PAQR3: variants seen among roughly 807,000 people sequenced by gnomAD.
The protein encoded by PAQR3 is Raf kinase trapping to Golgi.
In PAQR3, 39 loss-of-function variants were observed where a neutral mutation model predicts 41.7. That is an observed-to-expected ratio of 0.93 (90% CI 0.72 to 1.22). The LOEUF is 1.22. Among genes scored for constraint, PAQR3 ranks in the 50% most tolerant of loss-of-function variants. PAQR3 has a pLI of 0.00. For missense variants in PAQR3, 366 were observed against 385.6 expected (o/e 0.95, Z 0.42); for synonymous variants, 140 against 140.6 (o/e 1.00, Z 0.03).
intron 2 of PAQR3, among the ~76,000 whole-genome samples, chr4:78,932,079 G>A (rs181283207): frequency 1.3e-5 from 2 of 152,304 alleles, no homozygotes; most frequent in East Asian, 3.9e-4. Context: ...GTAAGCTATT[G>A]CTAAGGCAGT....
intron 3 of PAQR3, 134 bp from the exon 4 acceptor site, chr4:78,926,852 C>T (rs1163832854): frequency 3.9e-6 from 3 of 761,220 alleles, no homozygotes; most frequent in Admixed American, 5.6e-5. Flanking sequence ...GATTATCTCC[C>T]TTCATTAAAA....
rs1735394489 is a variant in PAQR3, at chr4:78,919,091, G to A, written c.*1448C>T. ...TTTATATTCCAAAAACACTACACTGGAAAAGAAACACAACATTTTACTGAT... is the reference window on the plus strand; with the variant it reads ...TTTATATTCCAAAAACACTACACTGAAAAAGAAACACAACATTTTACTGAT... On this transcript the variant is annotated 3_prime_UTR_variant, in exon 6 of 6. Coordinates refer to ENST00000512733, the MANE Select transcript of PAQR3 (RefSeq NM_001040202.2). 1.0e-6 allele frequency: 1 copy of A among 984,906 alleles called. No individual in the cohort carries two copies. The highest frequency in any genetic ancestry group is 1.2e-6 in the Non-Finnish European group (1 of 829,668). The allele number at this position is 984,906 out of a possible 1,614,324, so 61.0% of individuals were successfully genotyped here.
chr4:78,926,783 T>C (rs569547556), intron 3 of PAQR3, 65 bp from the exon 4 acceptor site: 10 of 1,495,412 alleles, frequency 6.7e-6, no homozygotes, highest in African/African-American at 1.4e-5. Flanking sequence ...AAAAGTAATT[T>C]TGGCTTTTAC....
chr4:78,937,264 C>T (rs1265989066), intron 1 of PAQR3, among the ~76,000 whole-genome samples: 3 of 152,094 alleles, frequency 2.0e-5, no homozygotes, highest in Non-Finnish European at 4.4e-5. Context: ...GGGAAGGGTG[C>T]TAAGTAAAAA....
intron 11 of PAQR3, among the ~76,000 whole-genome samples, chr4:78,898,649 C>G (rs1467409923): frequency 6.7e-6 from 1 of 149,286 alleles, no homozygotes; most frequent in Non-Finnish European, 1.5e-5. Context: ...CAGAGCGAGA[C>G]TCCATCTCAA....
intron 11 of PAQR3, among the ~76,000 whole-genome samples, chr4:78,900,271 A>T (rs1410104681): frequency 2.0e-5 from 3 of 152,212 alleles, no homozygotes; most frequent in Non-Finnish European, 4.4e-5. Context: ...TTAGTTGATT[A>T]TGTTATCAGC....
chr4:78,921,748 A>C, intron 5 of PAQR3: 1 of 984,458 alleles, frequency 1.0e-6, no homozygotes, highest in Non-Finnish European at 1.2e-6. Context: ...CCCAGTGGCC[A>C]GGTCATACAT....
At position 78,939,094 on chromosome 4, in the gene PAQR3, G is replaced by A. The variant is rs761198189; in HGVS notation, c.131C>T (p.Pro44Leu). 24 of 1,613,462 alleles carry A rather than the reference G, an allele frequency of 1.5e-5. No homozygotes were observed. The highest frequency in any genetic ancestry group is 1.9e-5 in the Non-Finnish European group (23 of 1,179,632). ...GGCCCGGTAGCCGTCGGTGATGTAC[G>A]GGTTGTCCTTGAGGGACCCGGGGAT... ...EQIPGSLKDN[P>L]YITDGYRAYL... Residue 44 changes from proline to leucine, a missense_variant, in exon 1 of 6, where the codon CCG becomes CTG. Physicochemically the swap from Pro to Leu is moderately conservative, Grantham distance 98. Coordinates refer to ENST00000512733, the MANE Select transcript of PAQR3 (RefSeq NM_001040202.2).
chr4:78,912,224 G>C lies in PAQR3; in HGVS notation c.*8315C>G. The C allele has an allele frequency of 1.8e-6, 1 of 542,762 alleles. No homozygotes were observed. The highest frequency in any genetic ancestry group is 3.2e-6 in the Non-Finnish European group (1 of 316,880). The allele number at this position is 542,762 out of a possible 1,614,324, so 33.6% of individuals were successfully genotyped here. On this transcript the variant is annotated 3_prime_UTR_variant, in exon 6 of 6. Transcript: ENST00000512733. ...GGGTAGTAACTTGATTCCTCTTCAG[G>C]AGAAAAGGGAGCTAAATTGCAAGCT...
In PAQR3 at chr4:78,913,865, A is replaced by G. The variant is rs1442991667; in HGVS notation, c.*6674T>C. On this transcript the variant is annotated 3_prime_UTR_variant, in exon 6 of 6. Transcript: ENST00000512733. ...TATTTAGAGCTGGACTGCACCAATT[A>G]CTTGTCCTCGTGCCAAAGGCAAATA... 1 of 151,376 alleles carries G rather than the reference A, an allele frequency of 6.6e-6. No homozygotes were observed. The highest frequency in any genetic ancestry group is 2.4e-5 in the African/African-American group (1 of 41,174). The allele number at this position is 151,376 out of a possible 1,614,324, so 9.4% of individuals were successfully genotyped here.
At position 78,919,244 on chromosome 4, in the gene PAQR3, A is replaced by C. The variant is rs886537132; in HGVS notation, c.*1295T>G. 6 of 983,826 alleles carry C rather than the reference A, an allele frequency of 6.1e-6. No homozygotes were observed. Among genetic ancestry groups the C allele is most frequent in the Non-Finnish European group, 7.2e-6 (6 of 828,698 alleles). 60.9% of individuals were successfully genotyped at this position (983,826 alleles called of 1,614,324 possible). A position where few individuals can be genotyped will look rare whatever the true frequency, so the allele number is the denominator to read the frequency against. ...AATTTTACTGTTCTGAAAATACACCAGTATTTAAAACAGCTCATGTCAACT... is the reference window on the plus strand; with the variant it reads ...AATTTTACTGTTCTGAAAATACACCCGTATTTAAAACAGCTCATGTCAACT... On this transcript the variant is annotated 3_prime_UTR_variant, in exon 6 of 6. Transcript: ENST00000512733.
downstream of PAQR3, chr4:78,911,822 G>A (rs111548741): frequency 1.5e-5 from 24 of 1,613,898 alleles, no homozygotes; most frequent in Non-Finnish European, 2.0e-5. Flanking sequence ...AGCGACATCC[G>A]TGCTGATCAC....
chr4:78,908,279 G>A (rs947667810), downstream of PAQR3, among the ~76,000 whole-genome samples: 30 of 152,170 alleles, frequency 2.0e-4, no homozygotes, highest in African/African-American at 7.2e-4. Context: ...TATACAAGAT[G>A]ACCAGATCCA....
chr4:78,913,908 T>C lies in PAQR3; in HGVS notation c.*6631A>G, dbSNP rs1052926480. ...GGCAAATATGTTTGCACCTTTTTTT[T>C]TTTTTCTGATTCTCAGGTTGATTAA... On this transcript the variant is annotated 3_prime_UTR_variant, in exon 6 of 6. Transcript: ENST00000512733. 8.5e-5 allele frequency: 13 copies of C among 152,052 alleles called. No individual in the cohort carries two copies. The highest frequency in any genetic ancestry group is 3.1e-4 in the African/African-American group (13 of 41,420). The allele number at this position is 152,052 out of a possible 1,614,324, so 9.4% of individuals were successfully genotyped here.
chr4:78,918,995 A>T lies in PAQR3; in HGVS notation c.*1544T>A, dbSNP rs1735381365. The T allele has an allele frequency of 1.0e-6, 1 of 985,044 alleles. No homozygotes were observed. The highest frequency in any genetic ancestry group is 1.7e-5 in the African/African-American group (1 of 57,308). 61.0% of individuals were successfully genotyped at this position (985,044 alleles called of 1,614,324 possible). A position where few individuals can be genotyped will look rare whatever the true frequency, so the allele number is the denominator to read the frequency against. On this transcript the variant is annotated 3_prime_UTR_variant, in exon 6 of 6. Coordinates refer to ENST00000512733, the MANE Select transcript of PAQR3 (RefSeq NM_001040202.2). The stretch of plus-strand genomic sequence containing the variant: ...GCCTTCCATCATAACGATGGGTAAG[A>T]CACGGTATTCCTTTACTGAGCCTCC...
intron 3 of PAQR3, among the ~76,000 whole-genome samples, chr4:78,927,080 T>C (rs1736313571): frequency 6.6e-6 from 1 of 152,166 alleles, no homozygotes. Flanking sequence ...AACAAAAGAT[T>C]ATAATCTTAT....
chr4:78,894,966 A>T (rs1194183988), intron 11 of PAQR3, among the ~76,000 whole-genome samples: 1 of 152,208 alleles, frequency 6.6e-6, no homozygotes, highest in Non-Finnish European at 1.5e-5. Flanking sequence ...TGGTCGGTAG[A>T]TCAGTCAGAA....
chr4:78,930,488 AT>A, intron 2 of PAQR3, 163 bp from the exon 3 acceptor site: 5 of 461,464 alleles, frequency 1.1e-5, no homozygotes, highest in Non-Finnish European at 1.8e-5. Context: ...CTCACTCTAC[AT>A]GTAGAGCCAT....
At position 78,917,550 on chromosome 4, in the gene PAQR3, AGTTAT is replaced by A. The variant is rs1735199735; in HGVS notation, c.*2984_*2988del. ...ATTTACACCTCTTTAGTGTAAACAC[AGTTAT>A]TGTGATAATGCACACAGAAGGTATT... On this transcript the variant is annotated 3_prime_UTR_variant, in exon 6 of 6. Coordinates refer to ENST00000512733, the MANE Select transcript of PAQR3 (RefSeq NM_001040202.2). 6.6e-6 allele frequency: 1 copy of A among 151,182 alleles called. No homozygotes were observed. Among genetic ancestry groups the A allele is most frequent in the Non-Finnish European group, 1.5e-5 (1 of 68,020 alleles). The allele number at this position is 151,182 out of a possible 1,614,324, so 9.4% of individuals were successfully genotyped here. A position where few individuals can be genotyped will look rare whatever the true frequency, so the allele number is the denominator to read the frequency against.
Sources: allele counts gnomAD v4.1 joint callset (sites outside exome capture counted in the v4.1 genomes callset), GRCh38; gene constraint gnomAD v4.1.1; transcripts MANE v1.5; gene names NCBI Gene and HGNC (gene_info 2026-07-23, HGNC 2026-07-21).